Variants in ADCY2 observed in about 807,000 individuals in gnomAD.
The protein encoded by ADCY2 is adenylate cyclase type 2.
ADCY2 carries 31 observed loss-of-function variants against 125.2 expected under a neutral mutation model. The observed-to-expected ratio is 0.25, with a 90% confidence interval of 0.19 to 0.33. The LOEUF (loss-of-function observed/expected upper bound fraction) is 0.33, where lower values mean the gene tolerates loss of function less well. Ranked by LOEUF, ADCY2 falls within the 10% of genes least tolerant of loss-of-function variation. ADCY2 has a pLI of 1.00. For synonymous variants in ADCY2, 512 were observed against 548.4 expected, an observed-to-expected ratio of 0.93 and a Z score of 0.93; for missense variants, 904 against 1,418.2, an observed-to-expected ratio of 0.64 and a Z score of 5.82.
intron 12 of ADCY2, among the ~76,000 whole-genome samples, chr5:7,718,254 T>C (rs1301872157): frequency 6.7e-6 from 1 of 149,534 alleles, no homozygotes; most frequent in Non-Finnish European, 1.5e-5. Context: ...GTTCACGCCG[T>C]TCTCCTGCCT....
chr5:7,757,428 T>G (rs1291562916), intron 15 of ADCY2, 21 bp from the exon 16 acceptor site: 2 of 1,608,762 alleles, frequency 1.2e-6, no homozygotes, highest in Admixed American at 1.7e-5. Flanking sequence ...TGCTTCTCTT[T>G]TTCTTTCTCT....
chr5:7,468,238 A>G (rs1742199761), intron 2 of ADCY2, among the ~76,000 whole-genome samples: 1 of 152,214 alleles, frequency 6.6e-6, no homozygotes, highest in Non-Finnish European at 1.5e-5. Context: ...ATGAGATGGG[A>G]TGATATTGGA....
Position 7,468,894 on chromosome 5 carries a change from A to G in ADCY2, c.409-51844A>G, listed in dbSNP as rs115145019. On this transcript the variant is annotated intron_variant, in intron 2 of 24. Transcript: ENST00000338316. ...GTTTGAGTAGTTCATGTCCGGGAAA[A>G]GTTATGATGTAATTTTTCAACAGCC... 4.1e-3 allele frequency among the ~76,000 whole-genome samples: 620 copies of G among 152,258 alleles called. 9 individuals are homozygous for G. Among genetic ancestry groups the G allele is most frequent in the African/African-American group, 0.014 (590 of 41,562 alleles).
At chr5:7,486,477 TGA>T (rs140798755) in intron 2 of ADCY2, among the ~76,000 whole-genome samples, 3,460 of 152,316 alleles carry the variant, frequency 0.023, 120 homozygotes, top group African/African-American at 0.078. Context: ...TGTTAGAAAC[TGA>T]GAGTTTCAGA....
intron 4 of ADCY2, among the ~76,000 whole-genome samples, chr5:7,643,844 A>C (rs1190111086): frequency 6.6e-6 from 1 of 151,758 alleles, no homozygotes; most frequent in Non-Finnish European, 1.5e-5. Flanking sequence ...GTGAGGGACT[A>C]ATTTTTTAAA....
At chr5:7,461,150 CTGTTCTT>C (rs1741903493) in intron 2 of ADCY2, among the ~76,000 whole-genome samples, 1 of 152,110 alleles carries the variant, frequency 6.6e-6, no homozygotes, top group Non-Finnish European at 1.5e-5. Flanking sequence ...AGGGTTCTCT[CTGTTCTT>C]TTCAAAGAGA....
At chr5:7,737,456 G>T (rs1335706497) in intron 14 of ADCY2, among the ~76,000 whole-genome samples, 2 of 152,190 alleles carry the variant, frequency 1.3e-5, no homozygotes, top group Non-Finnish European at 2.9e-5. Flanking sequence ...AGGCCATTCA[G>T]AAAATGGCTG....
At chr5:7,776,193 TAAAAAAA>T (rs11332766) in intron 18 of ADCY2, among the ~76,000 whole-genome samples, 3 of 91,530 alleles carry the variant, frequency 3.3e-5, no homozygotes, top group African/African-American at 4.3e-5. Context: ...GTGAGATCCT[TAAAAAAA>T]AAAAAAAAAA....
In ADCY2 at chr5:7,396,608, G is replaced by A. The variant is rs1739053816; in HGVS notation, c.210+102G>A. On this transcript the variant is annotated intron_variant, in intron 1 of 24. Coordinates refer to ENST00000338316, the MANE Select transcript of ADCY2 (RefSeq NM_020546.3). This position sits in a 1 kb window ranked among gnomAD's most constrained non-coding sequence, Gnocchi z 5.7. ...CGCTCCGGGCTGCCCCTCGGCCCGC[G>A]GCAGCCCCTCGGCCCGCGGCAGCCC... 7 of 668,974 alleles carry A rather than the reference G, an allele frequency of 1.0e-5. No individual in the cohort carries two copies. The highest frequency in any genetic ancestry group is 5.5e-4 in the Middle Eastern group (1 of 1,810). The allele number at this position is 668,974 out of a possible 1,614,324, so 41.4% of individuals were successfully genotyped here. A position where few individuals can be genotyped will look rare whatever the true frequency, so the allele number is the denominator to read the frequency against.
At chr5:7,606,148 T>C (rs1419118068) in intron 3 of ADCY2, among the ~76,000 whole-genome samples, 1 of 152,188 alleles carries the variant, frequency 6.6e-6, no homozygotes, top group African/African-American at 2.4e-5. Flanking sequence ...GCTCTCTTTC[T>C]TGATCTGGGT....
At chr5:7,632,729 C>T (rs889822567) in intron 4 of ADCY2, among the ~76,000 whole-genome samples, 1 of 152,182 alleles carries the variant, frequency 6.6e-6, no homozygotes, top group African/African-American at 2.4e-5. Flanking sequence ...TCATGAAGCT[C>T]AGATGTCATG....
chr5:7,609,460 T>G (rs73050116), intron 3 of ADCY2, among the ~76,000 whole-genome samples: 1 of 152,236 alleles, frequency 6.6e-6, no homozygotes. Flanking sequence ...AATGTATTTT[T>G]GTTCAATACA....
intron 15 of ADCY2, among the ~76,000 whole-genome samples, chr5:7,744,265 A>G (rs1742530639): frequency 6.6e-6 from 1 of 152,090 alleles, no homozygotes; most frequent in Non-Finnish European, 1.5e-5. Context: ...ACAAATACCT[A>G]ATGCATGCGG....
At chr5:7,801,783 C>T (rs75175627) in intron 20 of ADCY2, 2,992 of 159,278 alleles carry the variant, frequency 0.019, 117 homozygotes, top group African/African-American at 0.068. Context: ...GAATTCCATA[C>T]GCTGTTTTCA....
chr5:7,415,542 A>T (rs1169376210), intron 2 of ADCY2, among the ~76,000 whole-genome samples: 2 of 152,020 alleles, frequency 1.3e-5, no homozygotes, highest in Admixed American at 6.5e-5. Flanking sequence ...GTTGTCCTTA[A>T]ATTCCTTCTC....
At chr5:7,731,980 G>T (rs1195330197) in intron 14 of ADCY2, among the ~76,000 whole-genome samples, 7 of 152,294 alleles carry the variant, frequency 4.6e-5, no homozygotes, top group African/African-American at 1.7e-4. Context: ...TGTTAAGTCT[G>T]TCCTTGTATT....
chr5:7,725,958 T>A (rs1741916972), intron 13 of ADCY2, among the ~76,000 whole-genome samples: 2 of 152,170 alleles, frequency 1.3e-5, no homozygotes, highest in African/African-American at 2.4e-5. Context: ...CAGCAAGACT[T>A]AAGCTCAGTT....
Position 7,802,922 on chromosome 5 carries a change from G to A in ADCY2, c.2775+558G>A, listed in dbSNP as rs537818990. The stretch of plus-strand genomic sequence containing the variant: ...GTTCTATTTCCCAGTAAGAACAAAC[G>A]CCCCTCTGGTTTAAGGATATTGCAG... On this transcript the variant is annotated intron_variant, in intron 21 of 24. Coordinates refer to ENST00000338316, the MANE Select transcript of ADCY2 (RefSeq NM_020546.3). The surrounding 1 kb of genome is among the most constrained non-coding windows in gnomAD (Gnocchi z 4.6). Among the ~76,000 whole-genome samples the A allele has an allele frequency of 9.2e-5, 14 of 152,080 alleles. No individual in the cohort carries two copies. Among genetic ancestry groups the A allele is most frequent in the Admixed American group, 7.9e-4 (12 of 15,264 alleles).
chr5:7,406,988 T>C (rs1335056317), intron 1 of ADCY2, among the ~76,000 whole-genome samples: 1 of 152,230 alleles, frequency 6.6e-6, no homozygotes, highest in Non-Finnish European at 1.5e-5. Flanking sequence ...TTTTGTTCAG[T>C]TGAAATAATT....
Sources: allele counts gnomAD v4.1 joint callset (sites outside exome capture counted in the v4.1 genomes callset), GRCh38; gene constraint gnomAD v4.1.1; non-coding constraint Gnocchi (gnomAD v3.1); transcripts MANE v1.5; gene names NCBI Gene and HGNC (gene_info 2026-07-23, HGNC 2026-07-21).